PLEKHA7: variants seen among roughly 807,000 people sequenced by gnomAD.
PLEKHA7 encodes the protein pleckstrin homology domain containing A7, also known as pleckstrin homology domain-containing family A member 7.
A neutral mutation model predicts 170.0 loss-of-function variants in PLEKHA7; 104 were observed. That is an observed-to-expected ratio of 0.61 (90% CI 0.52 to 0.72). The LOEUF is 0.72. PLEKHA7 is among the 30% of genes least tolerant of loss of function. The probability of loss-of-function intolerance (pLI) is 0.00; values close to 1 mark genes in which losing one functional copy is unlikely to be tolerated. For synonymous variants in PLEKHA7, 648 were observed against 660.8 expected (o/e 0.98, Z 0.30); for missense variants, 1,615 against 1,671.7 (o/e 0.97, Z 0.59).
intron 3 of PLEKHA7, among the ~76,000 whole-genome samples, chr11:16,977,906 G>T (rs187054250): frequency 2.6e-5 from 4 of 152,276 alleles, no homozygotes; most frequent in Admixed American, 6.5e-5. Flanking sequence ...GGTCTGCTGT[G>T]AGGATGAAAC....
At chr11:16,875,204 TAA>T (rs1332560997) in intron 3 of PLEKHA7, among the ~76,000 whole-genome samples, 2 of 152,192 alleles carry the variant, frequency 1.3e-5, no homozygotes, top group Non-Finnish European at 2.9e-5. Flanking sequence ...CAAGGAGCTT[TAA>T]CTAAGCAGCT....
chr11:16,912,507 G>A (rs1858325157), intron 3 of PLEKHA7, among the ~76,000 whole-genome samples: 2 of 152,206 alleles, frequency 1.3e-5, no homozygotes, highest in Non-Finnish European at 1.5e-5. Context: ...CTTCTTTACT[G>A]AGTGCCCAAA....
At chr11:16,924,579 C>A (rs11024078) in intron 3 of PLEKHA7, among the ~76,000 whole-genome samples, 8,030 of 152,206 alleles carry the variant, frequency 0.053, 683 homozygotes, top group African/African-American at 0.18. Context: ...AGATTAAAAA[C>A]TGAGGGATGC....
chr11:16,960,832 TAACA>T (rs899796389), intron 3 of PLEKHA7, among the ~76,000 whole-genome samples: 7 of 150,998 alleles, frequency 4.6e-5, no homozygotes, highest in East Asian at 1.9e-4. Flanking sequence ...CCTTCACCCC[TAACA>T]GACAGATGGG....
At chr11:16,894,392 C>T (rs1422098282) in intron 3 of PLEKHA7, among the ~76,000 whole-genome samples, 1 of 152,242 alleles carries the variant, frequency 6.6e-6, no homozygotes, top group Admixed American at 6.5e-5. Context: ...CCCACAGGAT[C>T]CCACGTACCT....
At chr11:16,920,448 A>T (rs1419996521) in intron 3 of PLEKHA7, among the ~76,000 whole-genome samples, 1 of 151,650 alleles carries the variant, frequency 6.6e-6, no homozygotes, top group Non-Finnish European at 1.5e-5. Context: ...TAAACAAACA[A>T]AACAAAGAGA....
intron 3 of PLEKHA7, among the ~76,000 whole-genome samples, chr11:16,924,169 C>T (rs1041719262): frequency 6.6e-6 from 1 of 152,128 alleles, no homozygotes; most frequent in Non-Finnish European, 1.5e-5. Flanking sequence ...AGTCTTAGAC[C>T]CACCCTCTCT....
At position 16,908,743 on chromosome 11, in the gene PLEKHA7, G is replaced by A. The variant is rs551108538; in HGVS notation, c.222-37561C>T. ...ACTCCTGACCTCAGGTGATCCACCCGGCTCAGCCTCCCGAAGTGCTGGGAT... is the reference window on the plus strand; with the variant it reads ...ACTCCTGACCTCAGGTGATCCACCCAGCTCAGCCTCCCGAAGTGCTGGGAT... On this transcript the variant is annotated intron_variant, in intron 3 of 26. Coordinates refer to ENST00000531066, the MANE Select transcript of PLEKHA7 (RefSeq NM_001329630.2). 3.4e-3 allele frequency among the ~76,000 whole-genome samples: 521 copies of A among 152,196 alleles called. 3 individuals carry two copies. Among genetic ancestry groups the A allele is most frequent in the African/African-American group, 0.012 (487 of 41,528 alleles).
At chr11:16,960,004 T>C (rs1397577334) in intron 3 of PLEKHA7, among the ~76,000 whole-genome samples, 1 of 152,170 alleles carries the variant, frequency 6.6e-6, no homozygotes, top group Non-Finnish European at 1.5e-5. Flanking sequence ...CCAGAAGATG[T>C]GCAGTGGCAG....
chr11:16,827,829 T>TAAA (rs11358170), intron 9 of PLEKHA7, among the ~76,000 whole-genome samples: 4,675 of 135,394 alleles, frequency 0.035, 197 homozygotes, highest in South Asian at 0.095. Context: ...ACTCCATGGT[T>TAAA]AAAAAAAAAA....
intron 3 of PLEKHA7, among the ~76,000 whole-genome samples, chr11:16,917,805 C>T (rs17699635): frequency 0.023 from 3,503 of 152,354 alleles, 57 homozygotes; most frequent in Non-Finnish European, 0.036. Context: ...TATCATAGCA[C>T]TTACCACATG....
chr11:16,860,344 T>C (rs557061171), intron 4 of PLEKHA7, among the ~76,000 whole-genome samples: 2 of 152,130 alleles, frequency 1.3e-5, no homozygotes, highest in Non-Finnish European at 2.9e-5. Context: ...CTGTTGGGTC[T>C]GAAATTAGGT....
chr11:16,781,608 G>A (rs757636196), intron 26 of PLEKHA7, among the ~76,000 whole-genome samples: 28 of 152,200 alleles, frequency 1.8e-4, no homozygotes, highest in African/African-American at 6.3e-4. Flanking sequence ...GCATGTGCTC[G>A]AAGGGACAGA....
rs149883568 is a variant in PLEKHA7 at position 16,789,264 on chromosome 11, T to C, written c.3189A>G (p.Ser1063=). The C allele has an allele frequency of 2.2e-5, 36 of 1,613,628 alleles. No homozygotes were observed. The South Asian group carries it at 3.7e-4, about 17-fold the overall frequency. ...RPKSALERLY[S]GDHQRGKMSA... is the part of the protein sequence containing the mutation. ...TCATCTTGCCTCGCTGGTGATCCCC[T>C]GAGTACAGGCGCTCCAAGGCACTCT... Residue 1063 remains serine (S), a synonymous_variant, in exon 23 of 27, where the codon TCA becomes TCG. Transcript: ENST00000531066. This position sits in a 1 kb window ranked among gnomAD's most constrained non-coding sequence, Gnocchi z 4.6.
chr11:16,890,333 T>A (rs1305945040), intron 3 of PLEKHA7, among the ~76,000 whole-genome samples: 3 of 151,974 alleles, frequency 2.0e-5, no homozygotes, highest in Admixed American at 2.0e-4. Context: ...GAGTAAATAC[T>A]CCTAAAAGAT....
intron 4 of PLEKHA7, among the ~76,000 whole-genome samples, chr11:16,867,017 A>T (rs1464546907): frequency 3.3e-5 from 5 of 151,928 alleles, no homozygotes; most frequent in Admixed American, 3.3e-4. Flanking sequence ...AGAAGAAGAA[A>T]CTCAAGATTA....
At chr11:16,937,143 C>T (rs1362401416) in intron 3 of PLEKHA7, among the ~76,000 whole-genome samples, 1 of 152,122 alleles carries the variant, frequency 6.6e-6, no homozygotes, top group Admixed American at 6.5e-5. Flanking sequence ...TTGGAGATGG[C>T]CACCAAGCTC....
At chr11:16,814,540 T>C (rs375344941) in intron 12 of PLEKHA7, among the ~76,000 whole-genome samples, 2 of 152,266 alleles carry the variant, frequency 1.3e-5, no homozygotes, top group East Asian at 3.9e-4. Context: ...AGCCAGTCCT[T>C]GAGAAGCTTG....
At position 16,885,013 on chromosome 11, in the gene PLEKHA7, A is replaced by G. The variant is rs556917117; in HGVS notation, c.222-13831T>C. On this transcript the variant is annotated intron_variant, in intron 3 of 26. Coordinates refer to ENST00000531066, the MANE Select transcript of PLEKHA7 (RefSeq NM_001329630.2). ...ACCAACATCACTGATTCCAGAGAAG[A>G]CCTTCTTTTCATGAAGAAGATCTGT... Among the ~76,000 whole-genome samples the G allele has an allele frequency of 4.2e-4, 62 of 148,186 alleles. 1 individual carries two copies. Among genetic ancestry groups the G allele is most frequent in the Admixed American group, 8.7e-4 (13 of 14,998 alleles).
Sources: allele counts gnomAD v4.1 joint callset (sites outside exome capture counted in the v4.1 genomes callset), GRCh38; gene constraint gnomAD v4.1.1; non-coding constraint Gnocchi (gnomAD v3.1); transcripts MANE v1.5; gene names NCBI Gene and HGNC (gene_info 2026-07-23, HGNC 2026-07-21).